The following TRHDE variants were observed in gnomAD, a reference collection of about 807,000 sequenced individuals.
TRHDE encodes thyrotropin releasing hormone degrading enzyme, also known as thyrotropin-releasing hormone-degrading ectoenzyme.
In TRHDE, 72 loss-of-function variants were observed where a neutral mutation model predicts 125.7. That is an observed-to-expected ratio of 0.57 (90% CI 0.47 to 0.70). The LOEUF (loss-of-function observed/expected upper bound fraction) is 0.70. Ranked by LOEUF, TRHDE falls within the 30% of genes least tolerant of loss-of-function variation. The pLI, the probability that TRHDE is intolerant of heterozygous loss-of-function variation, is 0.00. For missense variants in TRHDE, 1,110 were observed against 1,327.1 expected (o/e 0.84, Z 2.54); for synonymous variants, 509 against 509.1 (o/e 1.00, Z 0.00).
chr12:72,448,678 T>TA (rs1342756199), intron 3 of TRHDE, among the ~76,000 whole-genome samples: 20 of 150,800 alleles, frequency 1.3e-4, no homozygotes, highest in Non-Finnish European at 1.2e-4. Flanking sequence ...TAAAGTGTCT[T>TA]AGAGTATGTA....
intron 10 of TRHDE, among the ~76,000 whole-genome samples, chr12:72,569,074 T>G (rs1340792662): frequency 6.6e-6 from 1 of 152,144 alleles, no homozygotes; most frequent in Non-Finnish European, 1.5e-5. Context: ...AGAGGCAATA[T>G]TCTCCATGGA....
At chr12:72,088,227 C>T (rs562495273) in intron 1 of TRHDE, among the ~76,000 whole-genome samples, 3 of 152,096 alleles carry the variant, frequency 2.0e-5, no homozygotes, top group Admixed American at 2.0e-4. Flanking sequence ...TCAATGTTAT[C>T]TTGAGAAGTG....
chr12:72,247,799 T>A (rs1398721848), intron 2 of TRHDE, among the ~76,000 whole-genome samples: 1 of 152,210 alleles, frequency 6.6e-6, no homozygotes, highest in East Asian at 1.9e-4. Context: ...TCAGAATTAC[T>A]GACATCAGAA....
chr12:72,407,173 A>G (rs1444759470), intron 3 of TRHDE, among the ~76,000 whole-genome samples: 1 of 152,128 alleles, frequency 6.6e-6, no homozygotes, highest in Non-Finnish European at 1.5e-5. Flanking sequence ...TGAAAGCTAG[A>G]TGGGGAAGGC....
chr12:72,305,291 A>G (rs1868323512), intron 2 of TRHDE, among the ~76,000 whole-genome samples: 1 of 152,224 alleles, frequency 6.6e-6, no homozygotes, highest in Non-Finnish European at 1.5e-5. Flanking sequence ...AAATTAGGTT[A>G]AATCATTTCA....
chr12:72,397,157 C>T (rs900908345), intron 3 of TRHDE, among the ~76,000 whole-genome samples: 11 of 152,336 alleles, frequency 7.2e-5, no homozygotes, highest in Admixed American at 3.3e-4. Context: ...ATGCATCAGG[C>T]TGCTCTTGTA....
At chr12:72,648,537 A>T (rs1283152864) in intron 15 of TRHDE, among the ~76,000 whole-genome samples, 2 of 152,200 alleles carry the variant, frequency 1.3e-5, no homozygotes, top group African/African-American at 4.8e-5. Flanking sequence ...TAATAAGCAA[A>T]TTCAGTATAT....
At chr12:72,286,488 A>G (rs1879892314) in intron 1 of TRHDE, among the ~76,000 whole-genome samples, 193 bp from the exon 2 acceptor site, 1 of 152,200 alleles carries the variant, frequency 6.6e-6, no homozygotes, top group South Asian at 2.1e-4. Flanking sequence ...AACCTCCCTG[A>G]AAAACTTTTA....
intron 10 of TRHDE, among the ~76,000 whole-genome samples, chr12:72,569,680 G>A (rs1219434861): frequency 6.6e-6 from 1 of 152,102 alleles, no homozygotes; most frequent in Non-Finnish European, 1.5e-5. Flanking sequence ...ACATTTTCAG[G>A]TTATTGTATT....
chr12:72,350,251 G>A (rs922310460), intron 2 of TRHDE, among the ~76,000 whole-genome samples: 3 of 151,896 alleles, frequency 2.0e-5, no homozygotes, highest in African/African-American at 7.2e-5. Flanking sequence ...AGAGACGATT[G>A]GCACAACCTT....
chr12:72,364,320 T>TA (rs1241026401), intron 2 of TRHDE, among the ~76,000 whole-genome samples: 1 of 152,082 alleles, frequency 6.6e-6, no homozygotes, highest in Non-Finnish European at 1.5e-5. Context: ...ATATCCGTGT[T>TA]ACTTACATCC....
At chr12:72,648,906 C>T (rs1874390088) in intron 15 of TRHDE, among the ~76,000 whole-genome samples, 1 of 151,926 alleles carries the variant, frequency 6.6e-6, no homozygotes, top group Non-Finnish European at 1.5e-5. Flanking sequence ...ATAAAGAAGA[C>T]ACAAATGGAA....
At chr12:72,461,444 G>T (rs1160314423) in intron 3 of TRHDE, among the ~76,000 whole-genome samples, 3 of 151,882 alleles carry the variant, frequency 2.0e-5, no homozygotes, top group African/African-American at 7.3e-5. Context: ...ATTAGTTATG[G>T]GTTACTTCTA....
At chr12:72,639,334 G>A (rs1188896367) in intron 15 of TRHDE, among the ~76,000 whole-genome samples, 19 of 149,948 alleles carry the variant, frequency 1.3e-4, no homozygotes, top group African/African-American at 2.7e-4. Flanking sequence ...CGTAGTTCTC[G>A]AGCCTTGGTT....
intron 6 of TRHDE, among the ~76,000 whole-genome samples, chr12:72,516,830 A>G (rs1157897679): frequency 3.9e-5 from 6 of 152,032 alleles, no homozygotes; most frequent in Non-Finnish European, 7.4e-5. Context: ...TCAATACCTA[A>G]TTTATTGAGA....
At chr12:72,103,409 G>A (rs530658200) in intron 1 of TRHDE, among the ~76,000 whole-genome samples, 29 of 152,192 alleles carry the variant, frequency 1.9e-4, no homozygotes, top group South Asian at 1.5e-3. Flanking sequence ...CCCTAACCAG[G>A]TCACAGGGAA....
intron 5 of TRHDE, among the ~76,000 whole-genome samples, chr12:72,494,387 T>C (rs1049738321): frequency 6.6e-6 from 1 of 152,094 alleles, no homozygotes; most frequent in Non-Finnish European, 1.5e-5. Context: ...ACTACTTGAA[T>C]TGGCTCAGTC....
rs548974219 is a variant in TRHDE at position 72,286,017 on chromosome 12, A to C, written c.915-664A>C. ...CTAGTCACAGTCATAGGTGCTTTACATCCTTTCTTTTCCTCTAAGCTGTGC... is the reference window on the plus strand; with the variant it reads ...CTAGTCACAGTCATAGGTGCTTTACCTCCTTTCTTTTCCTCTAAGCTGTGC... On this transcript the variant is annotated intron_variant, in intron 1 of 18. Transcript: ENST00000261180. Among the ~76,000 whole-genome samples the C allele has an allele frequency of 6.6e-5, 10 of 152,356 alleles. 1 individual carries two copies. In the South Asian group the frequency reaches 1.9e-3, roughly 28 times the overall value.
intron 3 of TRHDE, among the ~76,000 whole-genome samples, chr12:72,410,738 A>G (rs1873459768): frequency 6.6e-6 from 1 of 152,286 alleles, no homozygotes; most frequent in East Asian, 1.9e-4. Context: ...AAAATTGCAT[A>G]GCAGAATCAA....
Sources: gnomAD v4.1 joint callset for allele counts (sites outside exome capture counted in the v4.1 genomes callset) on GRCh38, gnomAD v4.1.1 for gene constraint, MANE v1.5 for transcripts, NCBI Gene and HGNC (gene_info 2026-07-23, HGNC 2026-07-21) for gene names.